Variants in SIL1 observed in about 807,000 individuals in gnomAD.
The protein encoded by SIL1 is SIL1 nucleotide exchange factor, also known as nucleotide exchange factor SIL1.
Under a neutral mutation model 49.1 loss-of-function variants are expected in SIL1, and 40 were observed. The observed-to-expected ratio is 0.81, with a 90% CI of 0.63 to 1.06. The LOEUF (loss-of-function observed/expected upper bound fraction) is 1.06. Ranked by LOEUF, SIL1 falls within the 50% of genes least tolerant of loss-of-function variation. SIL1 has a pLI of 0.00. For synonymous variants in SIL1, 253 were observed against 250.8 expected (o/e 1.01, Z -0.08); for missense variants, 500 against 572.6 (o/e 0.87, Z 1.29).
chr5:139,030,444 T>C (rs1768761059), intron 5 of SIL1, among the ~76,000 whole-genome samples: 2 of 151,270 alleles, frequency 1.3e-5, no homozygotes, highest in South Asian at 4.2e-4. Context: ...ACCACTGTAC[T>C]CCCGTGTGGG....
intron 7 of SIL1, among the ~76,000 whole-genome samples, chr5:138,977,417 C>T (rs1299727547): frequency 6.6e-6 from 1 of 152,150 alleles, no homozygotes; most frequent in African/African-American, 2.4e-5. Flanking sequence ...GTGCTGTAGT[C>T]TGAAACCATG....
intron 1 of SIL1, among the ~76,000 whole-genome samples, chr5:139,159,102 A>AG (rs111713370): frequency 2.7e-5 from 4 of 150,200 alleles, no homozygotes; most frequent in Admixed American, 2.6e-4. Context: ...AAAGAGAGAG[A>AG]GGGAAAAAAA....
chr5:138,948,329 T>C lies in SIL1; in HGVS notation c.1030-856A>G, dbSNP rs184364282. 3.9e-5 allele frequency among the ~76,000 whole-genome samples: 6 copies of C among 152,188 alleles called. No homozygotes were observed. In the East Asian group the frequency reaches 1.2e-3, roughly 29 times the overall value. On this transcript the variant is annotated intron_variant, in intron 9 of 9. Coordinates refer to ENST00000394817, the MANE Select transcript of SIL1 (RefSeq NM_022464.5). The surrounding 1 kb of genome is among the most constrained non-coding windows in gnomAD (Gnocchi z 4.8). ...TGAGAGGTATCCCCTAGTCCTTTCCTACTTCACCCCTCAGTCCTGCCAGCT... is the reference window on the plus strand; with the variant it reads ...TGAGAGGTATCCCCTAGTCCTTTCCCACTTCACCCCTCAGTCCTGCCAGCT...
intron 7 of SIL1, among the ~76,000 whole-genome samples, chr5:138,976,530 T>G (rs1767397279): frequency 6.6e-6 from 1 of 152,116 alleles, no homozygotes; most frequent in Non-Finnish European, 1.5e-5. Context: ...GCCAGGCTGG[T>G]CTCAAACCCC....
At chr5:139,100,520 G>C (rs200781111) in intron 3 of SIL1, among the ~76,000 whole-genome samples, 1 of 152,228 alleles carries the variant, frequency 6.6e-6, no homozygotes, top group African/African-American at 2.4e-5. Flanking sequence ...CTAAGCACAG[G>C]AAGGCATGGT....
chr5:139,135,803 A>T (rs980369882), intron 1 of SIL1, among the ~76,000 whole-genome samples: 24 of 151,938 alleles, frequency 1.6e-4, no homozygotes, highest in Non-Finnish European at 2.9e-4. Flanking sequence ...GGTGGCTCAC[A>T]CCTGTAATCC....
chr5:138,981,169 C>T (rs116347883), intron 7 of SIL1, among the ~76,000 whole-genome samples: 1,663 of 147,652 alleles, frequency 0.011, 28 homozygotes, highest in African/African-American at 0.039. Flanking sequence ...GCCAAGATCA[C>T]GTCACTGCCC....
chr5:139,038,316 C>A (rs909540620), intron 5 of SIL1, among the ~76,000 whole-genome samples: 1 of 152,134 alleles, frequency 6.6e-6, no homozygotes, highest in African/African-American at 2.4e-5. Flanking sequence ...AATTCCAGAT[C>A]CTACTTCATC....
At chr5:139,020,049 G>A (rs1768484914) in intron 7 of SIL1, among the ~76,000 whole-genome samples, 1 of 152,156 alleles carries the variant, frequency 6.6e-6, no homozygotes, top group African/African-American at 2.4e-5. Context: ...ATTTCCCTGG[G>A]CTTCCTGGGA....
intron 3 of SIL1, among the ~76,000 whole-genome samples, chr5:139,093,168 C>T (rs1004821744): frequency 3.9e-5 from 6 of 152,214 alleles, no homozygotes; most frequent in Non-Finnish European, 8.8e-5. Flanking sequence ...CCATTCTGCT[C>T]TCTCTCCAGC....
intron 7 of SIL1, among the ~76,000 whole-genome samples, chr5:138,973,201 TAAAAAA>T (rs5871690): frequency 9.5e-6 from 1 of 105,374 alleles, no homozygotes; most frequent in South Asian, 3.3e-4. Context: ...TTGAAGTATT[TAAAAAA>T]AAAAAAAAAA....
intron 1 of SIL1, among the ~76,000 whole-genome samples, chr5:139,135,709 C>CA (rs34039650): frequency 0.066 from 6,384 of 96,206 alleles, 444 homozygotes; most frequent in African/African-American, 0.22. Flanking sequence ...AACAAACTAG[C>CA]AAAAAAAAAA....
intron 7 of SIL1, among the ~76,000 whole-genome samples, chr5:138,960,520 C>G (rs1418361048): frequency 6.7e-6 from 1 of 149,914 alleles, no homozygotes. Flanking sequence ...CCTCCCAGAA[C>G]TCAAGCTTAA....
chr5:138,998,981 G>A (rs992904196), intron 7 of SIL1, among the ~76,000 whole-genome samples: 11 of 150,394 alleles, frequency 7.3e-5, no homozygotes, highest in Non-Finnish European at 1.3e-4. Flanking sequence ...CTCAGCCTTC[G>A]GAGTAGCTGG....
intron 5 of SIL1, among the ~76,000 whole-genome samples, chr5:139,037,198 A>G (rs569425131): frequency 4.1e-4 from 62 of 152,094 alleles, no homozygotes; most frequent in South Asian, 1.2e-3. Context: ...AAAAAATTCA[A>G]TATCGCTCAA....
chr5:139,064,999 A>G (rs1769673409), intron 3 of SIL1, among the ~76,000 whole-genome samples: 1 of 152,206 alleles, frequency 6.6e-6, no homozygotes, highest in East Asian at 1.9e-4. Flanking sequence ...TTTCCCAGCT[A>G]TGAGAAAAAG....
At chr5:138,952,619 G>A (rs1021146075) in intron 7 of SIL1, among the ~76,000 whole-genome samples, 5 of 152,228 alleles carry the variant, frequency 3.3e-5, no homozygotes, top group Admixed American at 1.3e-4. Flanking sequence ...ACGAACGAAC[G>A]AATGAACAAC....
chr5:139,022,828 C>T (rs1219511200), intron 6 of SIL1, among the ~76,000 whole-genome samples: 3 of 152,204 alleles, frequency 2.0e-5, no homozygotes, highest in East Asian at 1.9e-4. Flanking sequence ...GGGTGCTTTG[C>T]TGACATAAGC....
At chr5:139,163,233 G>A (rs759343172) in intron 1 of SIL1, among the ~76,000 whole-genome samples, 2 of 152,110 alleles carry the variant, frequency 1.3e-5, no homozygotes, top group African/African-American at 2.4e-5. Flanking sequence ...GCAAGGTGAC[G>A]TGCTCCTTAA....
Sources: allele counts gnomAD v4.1 joint callset (sites outside exome capture counted in the v4.1 genomes callset), GRCh38; gene constraint gnomAD v4.1.1; non-coding constraint Gnocchi (gnomAD v3.1); transcripts MANE v1.5; gene names NCBI Gene and HGNC (gene_info 2026-07-23, HGNC 2026-07-21).